Variants in BMPR1B observed in about 807,000 individuals in gnomAD.
The protein encoded by BMPR1B is bone morphogenetic protein receptor type-1B.
Under a neutral mutation model 59.1 loss-of-function variants are expected in BMPR1B, and 12 were observed. That is an observed-to-expected ratio of 0.20 (90% CI 0.13 to 0.33). The LOEUF is 0.33. Among genes scored for constraint, BMPR1B ranks in the 10% least tolerant of loss-of-function variants. The pLI is 1.00. For synonymous variants in BMPR1B, 237 were observed against 207.3 expected, an observed-to-expected ratio of 1.14 and a Z score of -1.23; for missense variants, 550 against 610.9, an observed-to-expected ratio of 0.90 and a Z score of 1.05.
intron 3 of BMPR1B, among the ~76,000 whole-genome samples, chr4:95,039,391 A>C (rs1264687729): frequency 6.7e-6 from 1 of 150,208 alleles, no homozygotes; most frequent in Admixed American, 6.6e-5. Flanking sequence ...GATTAAATGA[A>C]GTTTGTACAT....
intron 4 of BMPR1B, among the ~76,000 whole-genome samples, chr4:95,111,306 A>G (rs1023070731): frequency 2.6e-5 from 4 of 152,146 alleles, no homozygotes; most frequent in Non-Finnish European, 4.4e-5. Flanking sequence ...GAAAAGTTCT[A>G]CAATAGTCTC....
At chr4:95,030,317 T>C (rs1453122031) in intron 3 of BMPR1B, among the ~76,000 whole-genome samples, 2 of 152,162 alleles carry the variant, frequency 1.3e-5, no homozygotes, top group Non-Finnish European at 2.9e-5. Context: ...AGGGATCCAG[T>C]TTCAGCTTTC....
chr4:94,830,711 GGTCATTGAGAC>G (rs1458090922), intron 1 of BMPR1B, among the ~76,000 whole-genome samples: 1 of 152,114 alleles, frequency 6.6e-6, no homozygotes, highest in Non-Finnish European at 1.5e-5. Context: ...ATGACGTTTT[GGTCATTGAGAC>G]CCACATGTGT....
rs371268875 is a variant in BMPR1B, at chr4:94,934,453, G to GTTTTTTTTT, written c.-113+58563_-113+58571dup. Reference sequence around the variant, plus strand: ...TCAGTGGGAACTTTTCCCAGCTATGGTTTTTTTTTTTTTTTTTTCTCCTCC... The same window carrying GTTTTTTTTT: ...TCAGTGGGAACTTTTCCCAGCTATGGTTTTTTTTTTTTTTTTTTTTTTTTTTTCTCCTCC... On this transcript the variant is annotated intron_variant, in intron 2 of 12. Transcript: ENST00000515059. Among the ~76,000 whole-genome samples, 45 of 115,268 alleles carry GTTTTTTTTT rather than the reference G, an allele frequency of 3.9e-4. 1 individual carries two copies. The highest frequency in any genetic ancestry group is 9.2e-4 in the African/African-American group (26 of 28,188). 75.6% of individuals were successfully genotyped at this position (115,268 alleles called of 152,430 possible). A position where few individuals can be genotyped will look rare whatever the true frequency, so the allele number is the denominator to read the frequency against.
At chr4:95,141,266 C>G (rs186979414) in intron 10 of BMPR1B, among the ~76,000 whole-genome samples, 3 of 151,804 alleles carry the variant, frequency 2.0e-5, no homozygotes, top group Non-Finnish European at 2.9e-5. Context: ...TCTTTTTTTT[C>G]CACTGTTTTA....
intron 2 of BMPR1B, among the ~76,000 whole-genome samples, chr4:94,921,223 G>C (rs1299485221): frequency 6.6e-6 from 1 of 152,032 alleles, no homozygotes; most frequent in East Asian, 1.9e-4. Context: ...TGACCTCAGA[G>C]TGCACTGTTA....
intron 2 of BMPR1B, among the ~76,000 whole-genome samples, chr4:94,921,378 A>G (rs1362069815): frequency 1.3e-5 from 2 of 152,162 alleles, no homozygotes; most frequent in African/African-American, 4.8e-5. Context: ...TGGGTAATTT[A>G]TAAATAAGAG....
At chr4:94,982,324 A>C (rs1328127494) in intron 2 of BMPR1B, among the ~76,000 whole-genome samples, 1 of 152,130 alleles carries the variant, frequency 6.6e-6, no homozygotes, top group Non-Finnish European at 1.5e-5. Context: ...CAAAACAAAC[A>C]AACCAAATAT....
At chr4:95,122,497 A>G (rs1462096157) in intron 6 of BMPR1B, among the ~76,000 whole-genome samples, 3 of 152,172 alleles carry the variant, frequency 2.0e-5, no homozygotes, top group Non-Finnish European at 2.9e-5. Flanking sequence ...TTATGTGTCA[A>G]TATAAAAATC....
chr4:95,011,234 C>T (rs1723205554), intron 3 of BMPR1B, among the ~76,000 whole-genome samples: 1 of 151,998 alleles, frequency 6.6e-6, no homozygotes, highest in South Asian at 2.1e-4. Flanking sequence ...TCCTCTCCCT[C>T]CGCCCACCCT....
At position 95,155,120 on chromosome 4, in the gene BMPR1B, A is replaced by G. The variant is rs887307172; in HGVS notation, c.*447A>G. The G allele has an allele frequency of 5.4e-6, 1 of 184,930 alleles. No homozygotes were observed. Among genetic ancestry groups the G allele is most frequent in the African/African-American group, 2.4e-5 (1 of 41,936 alleles). The allele number at this position is 184,930 out of a possible 1,614,324, so 11.5% of individuals were successfully genotyped here. On this transcript the variant is annotated 3_prime_UTR_variant, in exon 13 of 13. Coordinates refer to ENST00000515059, the MANE Select transcript of BMPR1B (RefSeq NM_001203.3). The stretch of plus-strand genomic sequence containing the variant: ...AAATACTTGTTTTTCCATTGGTAAA[A>G]TATTGTTGCACTCTGTGAACCAAAA...
At chr4:94,804,622 T>C (rs1051370166) in intron 1 of BMPR1B, among the ~76,000 whole-genome samples, 1 of 144,060 alleles carries the variant, frequency 6.9e-6, no homozygotes, top group African/African-American at 2.6e-5. Flanking sequence ...CAAGGACCAT[T>C]ACCAGGCTGT....
intron 3 of BMPR1B, among the ~76,000 whole-genome samples, chr4:95,062,436 A>G (rs1727468228): frequency 6.6e-6 from 1 of 152,228 alleles, no homozygotes; most frequent in African/African-American, 2.4e-5. Flanking sequence ...CTGACCTAAA[A>G]TATCTCATTA....
At chr4:94,788,226 G>A (rs1450102439) in intron 1 of BMPR1B, among the ~76,000 whole-genome samples, 2 of 152,100 alleles carry the variant, frequency 1.3e-5, no homozygotes, top group African/African-American at 2.4e-5. Context: ...TGGAAGCTGC[G>A]ACCACAATAT....
Position 95,148,768 on chromosome 4 carries a change from T to C in BMPR1B, c.1097T>C (p.Ile366Thr), listed in dbSNP as rs1025931662. The change falls in exon 11 of 13, where the codon ATA becomes ACA. Residue 366 changes from isoleucine (I) to threonine (T), a missense_variant. Around this residue, in one of 6 missense-constraint regions of BMPR1B, gnomAD observed 318 missense variants for 284.6 expected, o/e 1.12. Coordinates refer to ENST00000515059, the MANE Select transcript of BMPR1B (RefSeq NM_001203.3). ...CTTAGTGATACAAATGAAGTTGACATACCACCTAACACTCGAGTTGGCACC... is the reference window on the plus strand; with the variant it reads ...CTTAGTGATACAAATGAAGTTGACACACCACCTAACACTCGAGTTGGCACC... ...KFISDTNEVD[I>T]PPNTRVGTKR... 8 of 1,613,914 alleles carry C rather than the reference T, an allele frequency of 5.0e-6. No individual in the cohort carries two copies. The highest frequency in any genetic ancestry group is 1.1e-5 in the South Asian group (1 of 91,086).
At chr4:95,112,446 T>A (rs1238005882) in intron 4 of BMPR1B, among the ~76,000 whole-genome samples, 2 of 152,132 alleles carry the variant, frequency 1.3e-5, no homozygotes, top group East Asian at 3.8e-4. Flanking sequence ...TGTACTTGCT[T>A]TAGGGTTGCA....
At chr4:95,121,585 A>G (rs1329883989) in intron 6 of BMPR1B, among the ~76,000 whole-genome samples, 2 of 152,220 alleles carry the variant, frequency 1.3e-5, no homozygotes, top group African/African-American at 2.4e-5. Context: ...AAATGTATGT[A>G]TGCATATTAT....
At chr4:95,137,552 T>C (rs1292702834) in intron 10 of BMPR1B, among the ~76,000 whole-genome samples, 1 of 152,158 alleles carries the variant, frequency 6.6e-6, no homozygotes, top group African/African-American at 2.4e-5. Context: ...CTAAGTCTCT[T>C]TGTAGGTCTC....
At chr4:95,118,916 A>G (rs1732267086) in intron 6 of BMPR1B, among the ~76,000 whole-genome samples, 1 of 152,198 alleles carries the variant, frequency 6.6e-6, no homozygotes, top group Admixed American at 6.6e-5. Context: ...AGCCTTAAAT[A>G]AAGTGCTTGA....
Sources: allele counts gnomAD v4.1 joint callset (sites outside exome capture counted in the v4.1 genomes callset), GRCh38; gene constraint gnomAD v4.1.1; regional missense constraint gnomAD v4.1.1; transcripts MANE v1.5; gene names NCBI Gene and HGNC (gene_info 2026-07-23, HGNC 2026-07-21).